The following CADPS variants were observed in gnomAD, a reference collection of about 807,000 sequenced individuals.
CADPS encodes the protein calcium dependent secretion activator, also known as calcium-dependent secretion activator 1.
In CADPS, 57 loss-of-function variants were observed where a neutral mutation model predicts 167.3. The observed-to-expected ratio is 0.34, with a 90% CI of 0.28 to 0.42. The LOEUF is 0.42. CADPS is among the 20% of genes least tolerant of loss of function. The pLI is 1.00. For missense variants in CADPS, 1,414 were observed against 1,738.1 expected (o/e 0.81, Z 3.32); for synonymous variants, 676 against 635.3 (o/e 1.06, Z -0.96).
chr3:62,588,999 G>T (rs11130893), intron 7 of CADPS, among the ~76,000 whole-genome samples: 128,320 of 152,058 alleles, frequency 0.84, 54,542 homozygotes, highest in East Asian at 0.98. Flanking sequence ...GAAGGGATAC[G>T]AGGGTGAGAT....
chr3:62,475,242 A>C (rs1209698905), intron 23 of CADPS, among the ~76,000 whole-genome samples: 1 of 152,194 alleles, frequency 6.6e-6, no homozygotes, highest in Non-Finnish European at 1.5e-5. Context: ...CTTATCCTTG[A>C]CATCAGCATT....
At chr3:62,588,791 C>G (rs1285774489) in intron 7 of CADPS, among the ~76,000 whole-genome samples, 2 of 152,118 alleles carry the variant, frequency 1.3e-5, no homozygotes, top group South Asian at 2.1e-4. Flanking sequence ...ACAGGTCAGT[C>G]TAGGGTCATA....
chr3:62,744,173 A>G (rs1247924136), intron 3 of CADPS, among the ~76,000 whole-genome samples: 1 of 152,148 alleles, frequency 6.6e-6, no homozygotes, highest in Admixed American at 6.5e-5. Context: ...TGATGCATAT[A>G]AAGTATTAGG....
intron 28 of CADPS, among the ~76,000 whole-genome samples, chr3:62,408,220 G>A (rs1480321678): frequency 6.6e-6 from 1 of 152,138 alleles, no homozygotes; most frequent in Non-Finnish European, 1.5e-5. Flanking sequence ...GTTCACCAAG[G>A]CCAGGATTAG....
At chr3:62,436,883 A>G (rs941800241) in intron 28 of CADPS, among the ~76,000 whole-genome samples, 1 of 152,082 alleles carries the variant, frequency 6.6e-6, no homozygotes, top group Non-Finnish European at 1.5e-5. Flanking sequence ...AAAAGAAAGG[A>G]GCCTTTCTAC....
chr3:62,712,877 C>G (rs2083677235), intron 3 of CADPS, among the ~76,000 whole-genome samples: 1 of 152,114 alleles, frequency 6.6e-6, no homozygotes, highest in Non-Finnish European at 1.5e-5. Context: ...TTATTACCAC[C>G]TTTTGTGAGA....
intron 26 of CADPS, among the ~76,000 whole-genome samples, chr3:62,462,736 T>C (rs1282767339): frequency 1.3e-5 from 2 of 152,200 alleles, no homozygotes; most frequent in African/African-American, 2.4e-5. Context: ...TTTCAAGCTC[T>C]TTGCACAATA....
chr3:62,783,587 A>C (rs933588823), intron 1 of CADPS, among the ~76,000 whole-genome samples: 2 of 152,148 alleles, frequency 1.3e-5, no homozygotes, highest in African/African-American at 2.4e-5. Context: ...GTGAGACCTT[A>C]AGCAATTTTC....
At chr3:62,469,977 T>C (rs1278635747) in intron 24 of CADPS, among the ~76,000 whole-genome samples, 2 of 152,228 alleles carry the variant, frequency 1.3e-5, no homozygotes, top group African/African-American at 4.8e-5. Context: ...CTTCCTGTGC[T>C]ACACGTTTTG....
At chr3:62,648,467 A>G (rs1370880972) in intron 5 of CADPS, among the ~76,000 whole-genome samples, 1 of 152,022 alleles carries the variant, frequency 6.6e-6, no homozygotes, top group Non-Finnish European at 1.5e-5. Context: ...AGATGGCATG[A>G]GTCCAGGAGT....
At chr3:62,855,518 A>G (rs1027827649) in intron 1 of CADPS, among the ~76,000 whole-genome samples, 13 of 152,292 alleles carry the variant, frequency 8.5e-5, no homozygotes, top group African/African-American at 3.1e-4. Flanking sequence ...AAGCAAAGTT[A>G]TTAATTTCAT....
intron 3 of CADPS, among the ~76,000 whole-genome samples, chr3:62,666,235 C>T (rs1219188816): frequency 6.6e-6 from 1 of 152,126 alleles, no homozygotes; most frequent in Non-Finnish European, 1.5e-5. Flanking sequence ...GCCACTGCTG[C>T]CTGACAGCTA....
intron 6 of CADPS, among the ~76,000 whole-genome samples, chr3:62,596,249 G>A (rs1336052062): frequency 1.3e-5 from 2 of 150,024 alleles, no homozygotes; most frequent in African/African-American, 4.9e-5. Context: ...AGGCTGGAGT[G>A]CAGTGGCATG....
chr3:62,860,865 G>T (rs2080661423), intron 1 of CADPS, among the ~76,000 whole-genome samples: 1 of 152,186 alleles, frequency 6.6e-6, no homozygotes, highest in African/African-American at 2.4e-5. Context: ...ACTTGGGGAG[G>T]AGTGAGAAAG....
chr3:62,514,673 A>G lies in CADPS; in HGVS notation c.2581+1386T>C, dbSNP rs114935875. Among the ~76,000 whole-genome samples, 694 of 152,262 alleles carry G rather than the reference A, an allele frequency of 4.6e-3. 7 individuals carry two copies. Among genetic ancestry groups the G allele is most frequent in the African/African-American group, 0.016 (658 of 41,566 alleles). On this transcript the variant is annotated intron_variant, in intron 16 of 29. Transcript: ENST00000383710. This position sits in a 1 kb window ranked among gnomAD's most constrained non-coding sequence, Gnocchi z 4.2. ...GAAAGAAGAGAGCAGATCTTACCAAAAGACTAGTAGTAATAGCTAGACCAA... is the reference window on the plus strand; with the variant it reads ...GAAAGAAGAGAGCAGATCTTACCAAGAGACTAGTAGTAATAGCTAGACCAA...
chr3:62,589,657 G>A (rs953588987), intron 7 of CADPS, among the ~76,000 whole-genome samples: 1 of 152,178 alleles, frequency 6.6e-6, no homozygotes, highest in Non-Finnish European at 1.5e-5. Flanking sequence ...GCACTGAGGG[G>A]CTGTGCACAA....
intron 1 of CADPS, among the ~76,000 whole-genome samples, chr3:62,853,641 A>T (rs141653726): frequency 3.6e-5 from 5 of 139,396 alleles, no homozygotes; most frequent in Non-Finnish European, 7.9e-5. Context: ...AAAAAAAAAG[A>T]AAAGAAAAGA....
intron 1 of CADPS, among the ~76,000 whole-genome samples, chr3:62,788,733 G>C (rs2092685579): frequency 6.6e-6 from 1 of 152,132 alleles, no homozygotes; most frequent in African/African-American, 2.4e-5. Context: ...ATAAACTGCT[G>C]TCTTGCCCCT....
chr3:62,398,950 A>G lies in CADPS; in HGVS notation c.*456T>C, dbSNP rs1199924461. ...CTTTTGTTTTTCAAAAAATAAAAAT[A>G]AAAACACAAAGCAGATCTATGTGTT... On this transcript the variant is annotated 3_prime_UTR_variant, in exon 30 of 30. Transcript: ENST00000383710. 1 of 152,660 alleles carries G rather than the reference A, an allele frequency of 6.6e-6. No homozygotes were observed. The highest frequency in any genetic ancestry group is 1.5e-5 in the Non-Finnish European group (1 of 68,168). 9.5% of individuals were successfully genotyped at this position (152,660 alleles called of 1,614,324 possible).
Sources: allele counts gnomAD v4.1 joint callset (sites outside exome capture counted in the v4.1 genomes callset), GRCh38; gene constraint gnomAD v4.1.1; non-coding constraint Gnocchi (gnomAD v3.1); transcripts MANE v1.5; gene names NCBI Gene and HGNC (gene_info 2026-07-23, HGNC 2026-07-21).